PRKCB: variants seen among roughly 807,000 people sequenced by gnomAD.
The protein encoded by PRKCB is protein kinase C beta type.
Under a neutral mutation model 81.5 loss-of-function variants are expected in PRKCB, and 13 were observed. The observed-to-expected ratio is 0.16, with a 90% CI of 0.10 to 0.25. The LOEUF (loss-of-function observed/expected upper bound fraction) is 0.25, where lower values mean the gene tolerates loss of function less well. PRKCB is among the 10% of genes least tolerant of loss of function. The pLI, the probability that PRKCB is intolerant of heterozygous loss-of-function variation, is 1.00. For synonymous variants in PRKCB, 335 were observed against 321.4 expected (o/e 1.04, Z -0.45); for missense variants, 509 against 875.7 (o/e 0.58, Z 5.29).
At chr16:24,085,036 C>T (rs1360481553) in intron 5 of PRKCB, among the ~76,000 whole-genome samples, 2 of 151,076 alleles carry the variant, frequency 1.3e-5, no homozygotes, top group Non-Finnish European at 1.5e-5. Flanking sequence ...TGGTCAGAAG[C>T]GATTGAATGG....
chr16:24,021,072 C>CTCCCTCCTTTCTTTCTTTCTTTTTTTCT, intron 3 of PRKCB, among the ~76,000 whole-genome samples: 3 of 94,370 alleles, frequency 3.2e-5, no homozygotes, highest in South Asian at 3.7e-4. Flanking sequence ...CCCTCCCTCC[C>CTCCCTCCTTTCTTTCTTTCTTTTTTTCT]TTCTTTCTTT....
chr16:23,879,482 CTTTTTTTTTTTTTTTTTTTTTTTT>C (rs546638229), intron 2 of PRKCB, among the ~76,000 whole-genome samples: 1 of 83,198 alleles, frequency 1.2e-5, no homozygotes, highest in Non-Finnish European at 2.2e-5. Flanking sequence ...TTTAGCTATC[CTTTTTTTTTTTTTTTTTTTTTTTT>C]TTTTTTTTTT....
chr16:24,034,943 A>G (rs1298408083), intron 4 of PRKCB, among the ~76,000 whole-genome samples: 3 of 152,152 alleles, frequency 2.0e-5, no homozygotes, highest in African/African-American at 2.4e-5. Flanking sequence ...AGGGAGCCCA[A>G]CCTATTAGCT....
intron 2 of PRKCB, among the ~76,000 whole-genome samples, chr16:23,921,365 G>C (rs953583598): frequency 6.6e-6 from 1 of 152,096 alleles, no homozygotes; most frequent in African/African-American, 2.4e-5. Flanking sequence ...GTAAGGTGCT[G>C]GTACCTTATA....
chr16:23,958,432 G>A (rs1964379055), intron 2 of PRKCB, among the ~76,000 whole-genome samples: 1 of 152,164 alleles, frequency 6.6e-6, no homozygotes, highest in Non-Finnish European at 1.5e-5. Flanking sequence ...AGCCTCCTGA[G>A]TAGCTGGGAC....
At chr16:24,018,735 C>T (rs531703604) in intron 3 of PRKCB, among the ~76,000 whole-genome samples, 1 of 152,192 alleles carries the variant, frequency 6.6e-6, no homozygotes, top group African/African-American at 2.4e-5. Flanking sequence ...TGAAGCAAAT[C>T]GTCACCCAAC....
chr16:24,076,581 T>G (rs1449552090), intron 5 of PRKCB, among the ~76,000 whole-genome samples: 1 of 152,150 alleles, frequency 6.6e-6, no homozygotes, highest in Non-Finnish European at 1.5e-5. Flanking sequence ...TCTAGCTGCA[T>G]GGTCTGGGGG....
At chr16:24,014,673 A>C (rs1400208947) in intron 3 of PRKCB, among the ~76,000 whole-genome samples, 1 of 152,244 alleles carries the variant, frequency 6.6e-6, no homozygotes, top group Non-Finnish European at 1.5e-5. Context: ...CAGGCTCATT[A>C]TATTCAGCAA....
At chr16:24,090,204 T>C (rs936823738) in intron 5 of PRKCB, among the ~76,000 whole-genome samples, 2 of 152,150 alleles carry the variant, frequency 1.3e-5, no homozygotes, top group Non-Finnish European at 2.9e-5. Flanking sequence ...AAAAATGAGA[T>C]GCAGCTTGCA....
intron 7 of PRKCB, chr16:24,110,959 A>G (rs1020152063): frequency 2.6e-5 from 4 of 152,254 alleles, no homozygotes; most frequent in African/African-American, 4.8e-5. Context: ...AGTAAAACAG[A>G]TATTTCAACG....
chr16:24,056,624 G>T (rs932638626), intron 5 of PRKCB, among the ~76,000 whole-genome samples: 1 of 152,090 alleles, frequency 6.6e-6, no homozygotes, highest in Non-Finnish European at 1.5e-5. Flanking sequence ...TCACCTAAAC[G>T]AGTTCTCGCT....
intron 2 of PRKCB, among the ~76,000 whole-genome samples, chr16:23,977,815 C>T (rs907217990): frequency 2.0e-5 from 3 of 152,058 alleles, no homozygotes; most frequent in African/African-American, 2.4e-5. Context: ...GTGTTGGGGC[C>T]GGCTGCCCAC....
At chr16:23,950,133 T>TTTG (rs1567323484) in intron 2 of PRKCB, among the ~76,000 whole-genome samples, 1 of 13,048 alleles carries the variant, frequency 7.7e-5, no homozygotes, top group African/African-American at 1.5e-4. Flanking sequence ...ATGATTTGAA[T>TTTG]TTTTTTTTTT....
chr16:23,980,380 C>T (rs1172871736), intron 2 of PRKCB, among the ~76,000 whole-genome samples: 2 of 152,102 alleles, frequency 1.3e-5, no homozygotes, highest in Non-Finnish European at 2.9e-5. Context: ...AAGAGTGGTT[C>T]TCCCAGCAGC....
In PRKCB at chr16:24,017,905, T is replaced by C. The variant is rs547223088; in HGVS notation, c.289-14231T>C. ...CCACCATAACTAATTTTTTTTTTTT[T>C]TTTTTTTTTTTTAGACAGAGTCTCG... On this transcript the variant is annotated intron_variant, in intron 3 of 16. Coordinates refer to ENST00000643927, the MANE Select transcript of PRKCB (RefSeq NM_002738.7). Among the ~76,000 whole-genome samples the C allele has an allele frequency of 8.0e-4, 117 of 146,432 alleles. 1 individual carries two copies. Among genetic ancestry groups the C allele is most frequent in the African/African-American group, 2.8e-3 (113 of 39,826 alleles).
At chr16:24,067,662 C>T (rs1444809815) in intron 5 of PRKCB, among the ~76,000 whole-genome samples, 3 of 151,978 alleles carry the variant, frequency 2.0e-5, no homozygotes, top group South Asian at 2.1e-4. Context: ...TCAGATGATT[C>T]CTTGCTAAAT....
intron 2 of PRKCB, chr16:23,893,268 C>T (rs954947089): frequency 1.3e-5 from 2 of 152,282 alleles, no homozygotes; most frequent in Non-Finnish European, 2.9e-5. Flanking sequence ...ACTTACTGGA[C>T]TTGGAGCCAA....
At position 24,168,099 on chromosome 16, in the gene PRKCB, G is replaced by A. The variant is rs1967375157; in HGVS notation, c.1240-4171G>A. On this transcript the variant is annotated intron_variant, in intron 10 of 16. Transcript: ENST00000643927. ...AAGATAAAGTTCTATGTGCTGTATG[G>A]AAGATTTTTTTAAATGGTGAATTAA... 2.0e-5 allele frequency among the ~76,000 whole-genome samples: 3 copies of A among 152,306 alleles called. No individual in the cohort carries two copies. In the South Asian group the frequency reaches 6.2e-4, roughly 32 times the overall value.
Position 24,021,305 on chromosome 16 carries a change from T to TCCTCTTTCTTTCTTTCTTTCCTC in PRKCB, c.289-10828_289-10827insCTTTCTTTCTTTCTTTCCTCCCT, listed in dbSNP as rs1567347270. Among the ~76,000 whole-genome samples, 60 of 23,086 alleles carry TCCTCTTTCTTTCTTTCTTTCCTC rather than the reference T, an allele frequency of 2.6e-3. 8 individuals are homozygous for TCCTCTTTCTTTCTTTCTTTCCTC. The highest frequency in any genetic ancestry group is 3.6e-3 in the South Asian group (1 of 274). The allele number at this position is 23,086 out of a possible 152,430, so 15.1% of individuals were successfully genotyped here. A position where few individuals can be genotyped will look rare whatever the true frequency, so the allele number is the denominator to read the frequency against. On this transcript the variant is annotated intron_variant, in intron 3 of 16. Transcript: ENST00000643927. ...TCTCCCTCTCCCTCCCTTCCTTCCT[T>TCCTCTTTCTTTCTTTCTTTCCTC]CCTTCCTTCCTTCCTTCCTTCCTTC...
Sources: allele counts gnomAD v4.1 joint callset (sites outside exome capture counted in the v4.1 genomes callset), GRCh38; gene constraint gnomAD v4.1.1; transcripts MANE v1.5; gene names NCBI Gene and HGNC (gene_info 2026-07-23, HGNC 2026-07-21).